GOLGA8A: variants seen among roughly 807,000 people sequenced by gnomAD.
The protein encoded by GOLGA8A is golgin A8 family member A, also known as golgin subfamily A member 8A.
A neutral mutation model predicts 22.1 loss-of-function variants in GOLGA8A; 3 were observed. That is an observed-to-expected ratio of 0.14 (90% CI 0.06 to 0.35). GOLGA8A has a LOEUF of 0.35. Among genes scored for constraint, GOLGA8A ranks in the 10% least tolerant of loss-of-function variants. The pLI is 1.00. For missense variants in GOLGA8A, 16 were observed against 233.2 expected (o/e 0.07, Z 6.07); for synonymous variants, 7 against 91.7 (o/e 0.08, Z 5.28).
chr15:34,435,180 C>T lies in GOLGA8A; in HGVS notation c.-1123+203G>A, dbSNP rs72722594. Among the ~76,000 whole-genome samples, 5 of 149,306 alleles carry T rather than the reference C, an allele frequency of 3.3e-5. 1 individual carries two copies. Among genetic ancestry groups the T allele is most frequent in the African/African-American group, 1.2e-4 (5 of 40,426 alleles). On this transcript the variant is annotated intron_variant, in intron 2 of 24. Transcript: ENST00000359187. Reference sequence around the variant, plus strand: ...AGCTGAGGCCTGGAGGGGGCCTCTGCAGCCAGGCTCAACCCCCACTCTCCC... The same window carrying T: ...AGCTGAGGCCTGGAGGGGGCCTCTGTAGCCAGGCTCAACCCCCACTCTCCC...
chr15:34,421,216 C>T lies in GOLGA8A; in HGVS notation c.-1122-13481G>A, dbSNP rs925443338. ...GAGCCAGGGTCTGCCCAGGCCACCA[C>T]GGGGGCAGAGACGTGAAACAGGCTT... On this transcript the variant is annotated intron_variant, in intron 2 of 24. Coordinates refer to ENST00000359187, the MANE Select transcript of GOLGA8A (RefSeq NM_181077.5). 2.8e-5 allele frequency among the ~76,000 whole-genome samples: 4 copies of T among 143,636 alleles called. 1 individual carries two copies. Among genetic ancestry groups the T allele is most frequent in the East Asian group, 4.3e-4 (2 of 4,620 alleles). 94.2% of individuals were successfully genotyped at this position (143,636 alleles called of 152,430 possible). A position where few individuals can be genotyped will look rare whatever the true frequency, so the allele number is the denominator to read the frequency against.
intron 2 of GOLGA8A, among the ~76,000 whole-genome samples, chr15:34,431,145 G>T (rs1893210243): frequency 6.8e-6 from 1 of 148,122 alleles, no homozygotes; most frequent in South Asian, 2.2e-4. Context: ...CAAGACAGTT[G>T]ATAATCAAAC....
At chr15:34,431,804 ATTTT>A (rs953752317) in intron 2 of GOLGA8A, among the ~76,000 whole-genome samples, 11 of 147,852 alleles carry the variant, frequency 7.4e-5, no homozygotes, top group Non-Finnish European at 1.5e-4. Context: ...TATTTTATAT[ATTTT>A]TTTAAAATAA....
intron 2 of GOLGA8A, among the ~76,000 whole-genome samples, chr15:34,434,053 G>C (rs1893375792): frequency 6.7e-6 from 1 of 149,058 alleles, no homozygotes; most frequent in South Asian, 2.2e-4. Context: ...AGATGAAAGA[G>C]CCTACATTCA....
At chr15:34,436,338 G>GC (rs1893508977) in intron 1 of GOLGA8A, among the ~76,000 whole-genome samples, 1 of 149,654 alleles carries the variant, frequency 6.7e-6, no homozygotes, top group East Asian at 2.0e-4. Context: ...GGCTGAAGAC[G>GC]CCAGAGGCAG....
At chr15:34,425,386 T>C (rs1595664120) in intron 2 of GOLGA8A, among the ~76,000 whole-genome samples, 1 of 103,582 alleles carries the variant, frequency 9.7e-6, no homozygotes, top group South Asian at 4.9e-4. Flanking sequence ...GTTGGAATCC[T>C]ATAAAAAAAA....
chr15:34,430,856 C>G lies in GOLGA8A; in HGVS notation c.-1123+4527G>C, dbSNP rs142779522. On this transcript the variant is annotated intron_variant, in intron 2 of 24. Coordinates refer to ENST00000359187, the MANE Select transcript of GOLGA8A (RefSeq NM_181077.5). The stretch of plus-strand genomic sequence containing the variant: ...AGTGACGCTCTACAGCTGGCTCACA[C>G]GTGGAGGCAGAGCCTGGCTTCCCAG... Among the ~76,000 whole-genome samples the G allele has an allele frequency of 5.9e-4, 88 of 149,942 alleles. 3 individuals are homozygous for G. The highest frequency in any genetic ancestry group is 2.1e-3 in the African/African-American group (86 of 40,626).
intron 1 of GOLGA8A, among the ~76,000 whole-genome samples, chr15:34,436,134 C>A (rs1377896549): frequency 6.7e-6 from 1 of 148,992 alleles, no homozygotes; most frequent in African/African-American, 2.5e-5. Flanking sequence ...CCTGCCTCAC[C>A]TCACTGGAGG....
rs1814316 is a variant in GOLGA8A, at chr15:34,430,394, C to G, written c.-1123+4989G>C. Among the ~76,000 whole-genome samples the G allele has an allele frequency of 2.7e-4, 40 of 149,296 alleles. 5 individuals are homozygous for G. Among genetic ancestry groups the G allele is most frequent in the African/African-American group, 6.4e-4 (26 of 40,520 alleles). Reference sequence around the variant, plus strand: ...GAATCTTCACAATACATGCACAAAACAAAGGCACTTCTAGTAGGAGCTGTG... The same window carrying G: ...GAATCTTCACAATACATGCACAAAAGAAAGGCACTTCTAGTAGGAGCTGTG... On this transcript the variant is annotated intron_variant, in intron 2 of 24. Coordinates refer to ENST00000359187, the MANE Select transcript of GOLGA8A (RefSeq NM_181077.5).
chr15:34,436,249 G>A lies in GOLGA8A; in HGVS notation c.-1211-778C>T, dbSNP rs1264073133. 6.7e-5 allele frequency among the ~76,000 whole-genome samples: 10 copies of A among 149,406 alleles called. 1 individual carries two copies. Among genetic ancestry groups the A allele is most frequent in the Non-Finnish European group, 3.0e-5 (2 of 67,218 alleles). On this transcript the variant is annotated intron_variant, in intron 1 of 24. Coordinates refer to ENST00000359187, the MANE Select transcript of GOLGA8A (RefSeq NM_181077.5). ...CCACTTCAACCTGCAAAGCTCTCAG[G>A]TCATTACTTCTAAAACCACTGTCCT...
At chr15:34,431,375 C>T (rs74183630) in intron 2 of GOLGA8A, among the ~76,000 whole-genome samples, 13,782 of 135,996 alleles carry the variant, frequency 0.1, 1,742 homozygotes, top group South Asian at 0.27. Context: ...TGTCACTTAA[C>T]GACAGGCATA....
chr15:34,424,821 C>T (rs1363059776), intron 2 of GOLGA8A, among the ~76,000 whole-genome samples: 1 of 133,574 alleles, frequency 7.5e-6, no homozygotes, highest in African/African-American at 2.9e-5. Context: ...ATCTAGCGGC[C>T]GGGTAGGGTG....
intron 2 of GOLGA8A, among the ~76,000 whole-genome samples, 192 bp downstream of exon 2, chr15:34,435,191 A>C (rs1278968726): frequency 1.3e-5 from 2 of 149,202 alleles, no homozygotes; most frequent in Admixed American, 1.4e-4. Context: ...AGCCAGGCTC[A>C]ACCCCCACTC....
intron 2 of GOLGA8A, among the ~76,000 whole-genome samples, chr15:34,431,929 G>C (rs998960081): frequency 6.7e-6 from 1 of 148,858 alleles, no homozygotes; most frequent in Non-Finnish European, 1.5e-5. Context: ...CCAAAACAAT[G>C]TCATGTGATG....
In GOLGA8A at chr15:34,421,759, T is replaced by C. The variant is rs1219595853; in HGVS notation, c.-1123+13624A>G. Among the ~76,000 whole-genome samples, 720 of 125,760 alleles carry C rather than the reference T, an allele frequency of 5.7e-3. 19 individuals carry two copies. The highest frequency in any genetic ancestry group is 0.019 in the East Asian group (67 of 3,578). 82.5% of individuals were successfully genotyped at this position (125,760 alleles called of 152,430 possible). A position where few individuals can be genotyped will look rare whatever the true frequency, so the allele number is the denominator to read the frequency against. The stretch of plus-strand genomic sequence containing the variant: ...AAGGATACGACTGAAACTCAACTCA[T>C]GCCCAGCTAACCTGGGAAGTACACC... On this transcript the variant is annotated intron_variant, in intron 2 of 24. Transcript: ENST00000359187.
intron 16 of GOLGA8A, among the ~76,000 whole-genome samples, chr15:34,384,662 TACACAC>T (rs137863515): frequency 0.011 from 30 of 2,612 alleles, no homozygotes; most frequent in African/African-American, 0.086. Context: ...TCATACTATG[TACACAC>T]ACACACACAC....
At chr15:34,421,434 T>C (rs3889893) in intron 2 of GOLGA8A, among the ~76,000 whole-genome samples, 2 of 140,332 alleles carry the variant, frequency 1.4e-5, no homozygotes, top group African/African-American at 2.7e-5. Context: ...GGGTTTAAAA[T>C]TGAAAATCAA....
At chr15:34,433,970 C>T (rs1450858925) in intron 2 of GOLGA8A, among the ~76,000 whole-genome samples, 23 of 148,654 alleles carry the variant, frequency 1.5e-4, no homozygotes, top group African/African-American at 5.5e-4. Flanking sequence ...TGGCTGATGC[C>T]AAGGGGGTGG....
At chr15:34,424,176 G>GA (rs1218359066) in intron 2 of GOLGA8A, among the ~76,000 whole-genome samples, 1 of 143,572 alleles carries the variant, frequency 7.0e-6, no homozygotes. Context: ...GCCACACAGG[G>GA]AAAAAAACTC....
Sources: gnomAD v4.1 joint callset for allele counts (sites outside exome capture counted in the v4.1 genomes callset) on GRCh38, gnomAD v4.1.1 for gene constraint, MANE v1.5 for transcripts, NCBI Gene and HGNC (gene_info 2026-07-23, HGNC 2026-07-21) for gene names.